FAT2: variants seen among roughly 807,000 people sequenced by gnomAD.
FAT2 encodes the protein protocadherin Fat 2.
In FAT2, 150 loss-of-function variants were observed where a neutral mutation model predicts 295.3. The observed-to-expected ratio is 0.51, with a 90% CI of 0.44 to 0.58. The LOEUF (loss-of-function observed/expected upper bound fraction) is 0.58, where lower values mean the gene tolerates loss of function less well. Among genes scored for constraint, FAT2 ranks in the 20% least tolerant of loss-of-function variants. The pLI is 0.00. For missense variants in FAT2, 4,868 were observed against 5,442.7 expected (o/e 0.89, Z 3.32); for synonymous variants, 2,026 against 2,150.3 (o/e 0.94, Z 1.60).
At chr5:151,540,248 T>G (rs756325155) in intron 11 of FAT2, among the ~76,000 whole-genome samples, 1 of 152,142 alleles carries the variant, frequency 6.6e-6, no homozygotes, top group Non-Finnish European at 1.5e-5. Context: ...CCTAGAATGG[T>G]CCCTGCCCCT....
chr5:151,564,909 C>T (rs1044541845), intron 2 of FAT2, among the ~76,000 whole-genome samples: 2 of 151,886 alleles, frequency 1.3e-5, no homozygotes, highest in African/African-American at 4.8e-5. Flanking sequence ...CCCGTTTCTA[C>T]TAAAAATACA....
chr5:151,507,772 T>G (rs1761013580), intron 22 of FAT2, among the ~76,000 whole-genome samples, 161 bp from the exon 23 acceptor site: 2 of 151,994 alleles, frequency 1.3e-5, no homozygotes, highest in South Asian at 4.2e-4. Context: ...ACATCAGAAC[T>G]TTCCACCTTC....
At position 151,567,671 on chromosome 5, in the gene FAT2, T is replaced by A. The variant is rs779342618; in HGVS notation, c.1261A>T (p.Met421Leu). The change falls in exon 2 of 24, where the codon ATG (methionine) becomes TTG (leucine). Residue 421 changes from methionine (M) to leucine (L), a missense_variant. By Grantham distance (15) the Met-to-Leu change is conservative. Around this residue, in one of 5 missense-constraint regions of FAT2, gnomAD observed 3,297 missense variants for 3,669.4 expected, o/e 0.90. Transcript: ENST00000261800. ...TAGTGGGCTCTGTCGTGGAAGTCCA[T>A]GAGCTTTGTGGTGGTGATCAACCCA... ...RTGLITTTKL[M>L]DFHDRAHYQL... The A allele has an allele frequency of 6.2e-7, 1 of 1,610,356 alleles. No individual in the cohort carries two copies. Among genetic ancestry groups the A allele is most frequent in the Non-Finnish European group, 8.5e-7 (1 of 1,176,528 alleles).
intron 1 of FAT2, among the ~76,000 whole-genome samples, chr5:151,583,689 A>G (rs1390147241): frequency 1.3e-5 from 2 of 152,014 alleles, no homozygotes; most frequent in African/African-American, 4.8e-5. Context: ...TGCATATTAT[A>G]CTCCATTAAA....
chr5:151,546,247 G>A lies in FAT2; in HGVS notation c.4880C>T (p.Thr1627Ile). 1 of 1,614,152 alleles carries A rather than the reference G, an allele frequency of 6.2e-7. No homozygotes were observed. Among genetic ancestry groups the A allele is most frequent in the Non-Finnish European group, 8.5e-7 (1 of 1,179,998 alleles). Residue 1627 changes from threonine to isoleucine, a missense_variant, in exon 10 of 24, where the codon ACT (threonine) becomes ATT (isoleucine). Around this residue, in one of 5 missense-constraint regions of FAT2, gnomAD observed 3,297 missense variants for 3,669.4 expected, o/e 0.90. Coordinates refer to ENST00000261800, the MANE Select transcript of FAT2 (RefSeq NM_001447.3). ...KLDQANHAPH[T>I]LTVKAEDQGS... Reference sequence around the variant, plus strand: ...TTGATCTTCTGCCTTCACTGTCAGAGTATGTGGGGCATGATTTGCCTGATC... The same window carrying A: ...TTGATCTTCTGCCTTCACTGTCAGAATATGTGGGGCATGATTTGCCTGATC...
In FAT2 at chr5:151,566,015, G is replaced by A. The variant is rs777929497; in HGVS notation, c.2917C>T (p.Arg973Trp). Residue 973 changes from arginine (R) to tryptophan (W), a missense_variant, in exon 2 of 24, where the codon CGG (arginine) becomes TGG (tryptophan). By Grantham distance (101) the Arg-to-Trp change is moderately radical (BLOSUM62 -3). This residue lies in a region of FAT2 where 3,297 missense variants were observed against 3,669.4 expected (regional missense o/e 0.90). Coordinates refer to ENST00000261800, the MANE Select transcript of FAT2 (RefSeq NM_001447.3). ...VLMDGAHGTF[R>W]VDLMTGALIL... ...AGCGCCCCTGTCATCAGGTCCACCC[G>A]GAAGGTCCCATGGGCGCCATCCATC... 79 of 1,613,990 alleles carry A rather than the reference G, an allele frequency of 4.9e-5. No homozygotes were observed. The highest frequency in any genetic ancestry group is 1.6e-4 in the Middle Eastern group (1 of 6,084).
At chr5:151,587,977 C>T (rs773229658) in intron 1 of FAT2, among the ~76,000 whole-genome samples, 2 of 152,124 alleles carry the variant, frequency 1.3e-5, no homozygotes, top group Non-Finnish European at 2.9e-5. Context: ...GAGTGCGTGC[C>T]AACCCAGGCA....
rs2127591342 is a variant in FAT2, at chr5:151,531,713, C to T, written c.9685G>A (p.Glu3229Lys). The T allele has an allele frequency of 2.5e-6, 4 of 1,613,820 alleles. No homozygotes were observed. In the South Asian group the frequency reaches 3.3e-5, roughly 13 times the overall value. Residue 3229 changes from glutamate to lysine, a missense_variant, in exon 14 of 24, where the codon GAG becomes AAG. Physicochemically the swap from Glu to Lys is moderately conservative, Grantham distance 56. Transcript: ENST00000261800. This position sits in a 1 kb window ranked among gnomAD's most constrained non-coding sequence, Gnocchi z 5.7. ...ACCTCCGTGCCAGGTGGGGCGTCCT[C>T]GGGCACCTGCACGCTGTGCTCGGTG... ...LNTEHSVQVP[E>K]DAPPGTEVLQ...
intron 13 of FAT2, among the ~76,000 whole-genome samples, chr5:151,533,658 G>A (rs1355899260): frequency 6.6e-6 from 1 of 151,916 alleles, no homozygotes; most frequent in Non-Finnish European, 1.5e-5. Flanking sequence ...GATGCTGAGA[G>A]CATTTTTTTT....
chr5:151,593,150 G>A (rs1369586233), upstream of FAT2, among the ~76,000 whole-genome samples: 1 of 152,244 alleles, frequency 6.6e-6, no homozygotes, highest in African/African-American at 2.4e-5. Context: ...CAGGGAGCCT[G>A]TGATCAAGGC....
intron 1 of FAT2, among the ~76,000 whole-genome samples, chr5:151,586,649 T>C (rs1759183417): frequency 6.6e-6 from 1 of 152,168 alleles, no homozygotes; most frequent in Non-Finnish European, 1.5e-5. Context: ...GCACTCTAAC[T>C]TAAACTCCTT....
rs1761423762 is a variant in FAT2 at position 151,512,805 on chromosome 5, C to A, written c.11464-199G>T. ...GATGGTCTCCTTTGTTCTCACCACACCCCATGGGATGGTCTGGGTAGGGGG... is the reference window on the plus strand; with the variant it reads ...GATGGTCTCCTTTGTTCTCACCACAACCCATGGGATGGTCTGGGTAGGGGG... On this transcript the variant is annotated intron_variant, in intron 20 of 23. Coordinates refer to ENST00000261800, the MANE Select transcript of FAT2 (RefSeq NM_001447.3). This position sits in a 1 kb window ranked among gnomAD's most constrained non-coding sequence, Gnocchi z 4.1. 1.7e-6 allele frequency: 1 copy of A among 595,960 alleles called. No homozygotes were observed. Among genetic ancestry groups the A allele is most frequent in the South Asian group, 2.1e-5 (1 of 48,626 alleles). The allele number at this position is 595,960 out of a possible 1,614,324, so 36.9% of individuals were successfully genotyped here. A position where few individuals can be genotyped will look rare whatever the true frequency, so the allele number is the denominator to read the frequency against.
intron 14 of FAT2, among the ~76,000 whole-genome samples, chr5:151,530,918 T>A (rs376176103): frequency 3.3e-5 from 5 of 152,126 alleles, no homozygotes; most frequent in African/African-American, 7.2e-5. Flanking sequence ...TGGTAAATTT[T>A]AAAAAATATT....
At chr5:151,521,231 G>A (rs1358550410) in intron 19 of FAT2, 45 bp downstream of exon 19, 6 of 1,542,174 alleles carry the variant, frequency 3.9e-6, no homozygotes, top group Non-Finnish European at 4.4e-6. Flanking sequence ...CAGGCGGGCT[G>A]AGCCCAGCAG....
At chr5:151,580,052 T>C (rs776068070) in intron 1 of FAT2, among the ~76,000 whole-genome samples, 4 of 152,186 alleles carry the variant, frequency 2.6e-5, no homozygotes, top group Non-Finnish European at 5.9e-5. Context: ...TTAATAAAGA[T>C]GAGAAAACTA....
upstream of FAT2, among the ~76,000 whole-genome samples, chr5:151,591,835 C>T (rs1759423433): frequency 6.6e-6 from 1 of 152,178 alleles, no homozygotes; most frequent in Admixed American, 6.5e-5. Context: ...ATAGCTCCTA[C>T]CTCATAAGGT....
Position 151,544,058 on chromosome 5 carries a change from G to T in FAT2, c.7069C>A (p.Pro2357Thr). The T allele has an allele frequency of 1.9e-6, 3 of 1,614,156 alleles. No individual in the cohort carries two copies. The African/African-American group carries it at 4.0e-5, about 22-fold the overall frequency. ...ACAAGGGTTTCACCAGTGAGTGGGGGATCTCCTTTATCCATGGCCCTGACT... is the reference window on the plus strand; with the variant it reads ...ACAAGGGTTTCACCAGTGAGTGGGGTATCTCCTTTATCCATGGCCCTGACT... ...VKVRAMDKGD[P>T]PLTGETLVVV... is the part of the protein sequence containing the mutation. The change falls in exon 10 of 24, where the codon CCC (proline) becomes ACC (threonine). Residue 2357 changes from proline (P) to threonine (T), a missense_variant. Around this residue, in one of 5 missense-constraint regions of FAT2, gnomAD observed 3,297 missense variants for 3,669.4 expected, o/e 0.90. Transcript: ENST00000261800.
chr5:151,547,302 A>C (rs1005355282), intron 9 of FAT2, among the ~76,000 whole-genome samples: 1 of 152,210 alleles, frequency 6.6e-6, no homozygotes, highest in Non-Finnish European at 1.5e-5. Flanking sequence ...AGAAGACTAA[A>C]AGACATTCTA....
intron 3 of FAT2, among the ~76,000 whole-genome samples, chr5:151,557,056 C>A (rs946269299): frequency 2.0e-5 from 3 of 151,986 alleles, no homozygotes; most frequent in Admixed American, 2.0e-4. Flanking sequence ...CTTCAGCAAT[C>A]GGCCCACCAC....
Sources: allele counts gnomAD v4.1 joint callset (sites outside exome capture counted in the v4.1 genomes callset), GRCh38; gene constraint gnomAD v4.1.1; regional missense constraint gnomAD v4.1.1; non-coding constraint Gnocchi (gnomAD v3.1); transcripts MANE v1.5; gene names NCBI Gene and HGNC (gene_info 2026-07-23, HGNC 2026-07-21).